Variants in CLIC5 observed in about 807,000 individuals in gnomAD.
CLIC5 encodes the protein chloride intracellular channel protein 5.
In CLIC5, 20 loss-of-function variants were observed where a neutral mutation model predicts 24.7. The observed-to-expected ratio is 0.81, with a 90% CI of 0.57 to 1.18. The LOEUF is 1.18. Ranked by LOEUF, CLIC5 falls within the 50% of genes most tolerant of loss-of-function variation. The probability of loss-of-function intolerance (pLI) is 0.00; values close to 1 mark genes in which losing one functional copy is unlikely to be tolerated. For synonymous variants in CLIC5, 159 were observed against 135.6 expected (o/e 1.17, Z -1.20); for missense variants, 341 against 326.1 (o/e 1.05, Z -0.35).
At chr6:45,981,934 G>T (rs1396419588) in intron 1 of CLIC5, among the ~76,000 whole-genome samples, 1 of 151,502 alleles carries the variant, frequency 6.6e-6, no homozygotes, top group Non-Finnish European at 1.5e-5. Context: ...GGAGGCAGAG[G>T]TTGCAGTGAG....
At chr6:45,903,361 C>T in intron 5 of CLIC5, 106 bp from the exon 6 acceptor site, 1 of 910,474 alleles carries the variant, frequency 1.1e-6, no homozygotes. Context: ...AACCTCCGTG[C>T]ATCACCACGG....
Position 45,909,407 on chromosome 6 carries a change from G to A in CLIC5, c.588+4821C>T, listed in dbSNP as rs201853711. Among the ~76,000 whole-genome samples, 3 of 152,278 alleles carry A rather than the reference G, an allele frequency of 2.0e-5. No homozygotes were observed. The East Asian group carries it at 5.8e-4, about 29-fold the overall frequency. Reference sequence around the variant, plus strand: ...TATTTACAAGTGTGTTTTTGTGGTAGCAGGTATCATTCTTTTGTTTCCATG... The same window carrying A: ...TATTTACAAGTGTGTTTTTGTGGTAACAGGTATCATTCTTTTGTTTCCATG... On this transcript the variant is annotated intron_variant, in intron 5 of 5. Transcript: ENST00000339561.
At chr6:46,040,253 A>G (rs1374470376) in intron 1 of CLIC5, among the ~76,000 whole-genome samples, 1 of 151,952 alleles carries the variant, frequency 6.6e-6, no homozygotes, top group Non-Finnish European at 1.5e-5. Context: ...ATGTGATGAC[A>G]CTGTTGTTTG....
At chr6:45,934,836 G>A (rs972924319) in intron 4 of CLIC5, among the ~76,000 whole-genome samples, 6 of 152,188 alleles carry the variant, frequency 3.9e-5, no homozygotes, top group Non-Finnish European at 8.8e-5. Flanking sequence ...AGGGAAACAT[G>A]ATAGACCTGG....
At chr6:45,994,231 T>C (rs1766045054) in intron 1 of CLIC5, among the ~76,000 whole-genome samples, 1 of 152,120 alleles carries the variant, frequency 6.6e-6, no homozygotes, top group South Asian at 2.1e-4. Flanking sequence ...GAGTATTAAA[T>C]TGGGCATTTA....
At chr6:45,991,961 T>C (rs1332090341) in intron 1 of CLIC5, among the ~76,000 whole-genome samples, 1 of 152,190 alleles carries the variant, frequency 6.6e-6, no homozygotes, top group African/African-American at 2.4e-5. Context: ...TAAAAGACTT[T>C]AGGGGCACTC....
chr6:45,909,560 T>A (rs926364523), intron 5 of CLIC5, among the ~76,000 whole-genome samples: 1 of 152,180 alleles, frequency 6.6e-6, no homozygotes, highest in African/African-American at 2.4e-5. Context: ...GATATGAAGC[T>A]CTTGGTTGGA....
chr6:45,884,141 C>CT (rs1317740633), intron 6 of CLIC5, among the ~76,000 whole-genome samples: 1 of 152,172 alleles, frequency 6.6e-6, no homozygotes, highest in Non-Finnish European at 1.5e-5. Context: ...CATCCCTCTA[C>CT]TTGGCTACTC....
At chr6:45,967,208 T>G (rs1765044888) in intron 1 of CLIC5, among the ~76,000 whole-genome samples, 1 of 152,146 alleles carries the variant, frequency 6.6e-6, no homozygotes. Flanking sequence ...CTTGGCCACT[T>G]GGGCAGGGTG....
At chr6:45,904,183 C>T (rs970233954) in intron 5 of CLIC5, among the ~76,000 whole-genome samples, 1 of 152,146 alleles carries the variant, frequency 6.6e-6, no homozygotes, top group African/African-American at 2.4e-5. Flanking sequence ...GCTCCAATTT[C>T]TTTATCTCTA....
At chr6:46,038,961 A>G (rs555420193) in intron 1 of CLIC5, among the ~76,000 whole-genome samples, 3 of 152,342 alleles carry the variant, frequency 2.0e-5, no homozygotes, top group South Asian at 4.1e-4. Context: ...TCTATGTACT[A>G]TGGAGATAAG....
Position 45,974,497 on chromosome 6 carries a change from G to GTGTATATATA in CLIC5, c.64-19254_64-19253insTATATATACA, listed in dbSNP as rs1192750031. On this transcript the variant is annotated intron_variant, in intron 1 of 5. Transcript: ENST00000339561. ...AGTGTTTACTACTGTGTGTGTGTGT[G>GTGTATATATA]TATATATATATATATATATATATAT... is the stretch of plus-strand genomic sequence containing the variant. 2.4e-3 allele frequency among the ~76,000 whole-genome samples: 179 copies of GTGTATATATA among 75,744 alleles called. 4 individuals are homozygous for GTGTATATATA. Among genetic ancestry groups the GTGTATATATA allele is most frequent in the South Asian group, 3.4e-3 (5 of 1,478 alleles). 49.7% of individuals were successfully genotyped at this position (75,744 alleles called of 152,430 possible).
chr6:45,919,949 C>T (rs573101412), intron 4 of CLIC5, among the ~76,000 whole-genome samples: 26 of 152,186 alleles, frequency 1.7e-4, no homozygotes, highest in Middle Eastern at 3.4e-3. Context: ...AGGATTTAAG[C>T]GCAGGGCTAT....
chr6:45,980,035 C>CT (rs1765518519), intron 1 of CLIC5, among the ~76,000 whole-genome samples: 1 of 117,738 alleles, frequency 8.5e-6, no homozygotes. Context: ...AGTTTTAGGT[C>CT]TAACAGTTAA....
Position 46,015,619 on chromosome 6 carries a change from C to G in CLIC5, c.-77G>C. On this transcript the variant is annotated 5_prime_UTR_variant, in exon 1 of 6. Transcript: ENST00000339561. ...AGCACCTGGGCCAGCACTCTGCGCT[C>G]CTGCCGCTGCCCAGCGGGGCTCCTC... 1 of 1,417,354 alleles carries G rather than the reference C, an allele frequency of 7.1e-7. No homozygotes were observed. The highest frequency in any genetic ancestry group is 9.3e-7 in the Non-Finnish European group (1 of 1,076,554). 87.8% of individuals were successfully genotyped at this position (1,417,354 alleles called of 1,614,324 possible).
intron 1 of CLIC5, among the ~76,000 whole-genome samples, chr6:45,999,644 C>G (rs187692583): frequency 9.2e-5 from 14 of 152,190 alleles, no homozygotes; most frequent in Admixed American, 7.2e-4. Context: ...TCCTCCTCAG[C>G]CTACTCAATG....
rs186549225 is a variant in CLIC5, at chr6:45,959,471, G to A, written c.64-4227C>T. On this transcript the variant is annotated intron_variant, in intron 1 of 5. Coordinates refer to ENST00000339561, the MANE Select transcript of CLIC5 (RefSeq NM_016929.5). ...TTTAACATCTGACTTAGTAGAAGTC[G>A]GCTTCCACATTTAATCTCTTGGTAT... Among the ~76,000 whole-genome samples, 29 of 152,096 alleles carry A rather than the reference G, an allele frequency of 1.9e-4. No individual in the cohort carries two copies. In the East Asian group the frequency reaches 2.3e-3, roughly 12 times the overall value.
exon 1 of CLIC5, chr6:46,079,897 C>T (rs1295751865): frequency 1.9e-6 from 3 of 1,552,034 alleles, no homozygotes; most frequent in Non-Finnish European, 2.6e-6. Context: ...AGTTGCTGGT[C>T]CTGGGTTGAT....
intron 1 of CLIC5, among the ~76,000 whole-genome samples, chr6:46,058,561 G>A (rs184952652): frequency 1.3e-5 from 2 of 152,324 alleles, no homozygotes; most frequent in African/African-American, 4.8e-5. Context: ...CAATGTAATG[G>A]AGACAATGTC....
Sources: gnomAD v4.1 joint callset for allele counts (sites outside exome capture counted in the v4.1 genomes callset) on GRCh38, gnomAD v4.1.1 for gene constraint, MANE v1.5 for transcripts, NCBI Gene and HGNC (gene_info 2026-07-23, HGNC 2026-07-21) for gene names.